ZDHHC16: variants seen among roughly 807,000 people sequenced by gnomAD.
The protein encoded by ZDHHC16 is palmitoyltransferase ZDHHC16.
In ZDHHC16, 33 loss-of-function variants were observed where a neutral mutation model predicts 54.4. That is an observed-to-expected ratio of 0.61 (90% CI 0.46 to 0.81). ZDHHC16 has a LOEUF of 0.81. Ranked by LOEUF, ZDHHC16 falls within the 30% of genes least tolerant of loss-of-function variation. ZDHHC16 has a pLI of 0.00. For missense variants in ZDHHC16, 420 were observed against 485.9 expected (o/e 0.86, Z 1.28); for synonymous variants, 185 against 182.1 (o/e 1.02, Z -0.13).
intron 1 of ZDHHC16, among the ~76,000 whole-genome samples, chr10:97,447,618 A>G (rs1045164462): frequency 2.6e-5 from 4 of 152,148 alleles, no homozygotes; most frequent in Admixed American, 1.3e-4. Context: ...CTTTACTTCT[A>G]TTTCTTGAGA....
intron 9 of ZDHHC16, among the ~76,000 whole-genome samples, chr10:97,455,307 C>T (rs558981379): frequency 6.6e-6 from 1 of 152,320 alleles, no homozygotes; most frequent in African/African-American, 2.4e-5. Flanking sequence ...TCTCTATTCT[C>T]CTTTCCACAT....
chr10:97,452,421 AATG>A lies in ZDHHC16; in HGVS notation c.448_450del (p.Asp150del). 6.2e-7 allele frequency: 1 copy of A among 1,614,114 alleles called. No individual in the cohort carries two copies. The highest frequency in any genetic ancestry group is 8.5e-7 in the Non-Finnish European group (1 of 1,180,000). ...ATGCTCTCCCTTCACACAGGGCAGG[AATG>A]ATATCGCCACCGTCTCCATCTGTAA... is the stretch of plus-strand genomic sequence containing the variant. On this transcript the variant is annotated inframe_deletion, in exon 5 of 12. Transcript: ENST00000393760.
intron 2 of ZDHHC16, 36 bp from the exon 3 acceptor site, chr10:97,451,635 C>A: frequency 1.3e-6 from 2 of 1,579,622 alleles, no homozygotes; most frequent in Non-Finnish European, 1.7e-6. Context: ...GGAGGGAGGG[C>A]TCAGACTAGA....
At chr10:97,447,128 C>T (rs750326885) in intron 1 of ZDHHC16, among the ~76,000 whole-genome samples, 4 of 152,196 alleles carry the variant, frequency 2.6e-5, no homozygotes, top group African/African-American at 4.8e-5. Flanking sequence ...TTGTGTGGGC[C>T]CGTCATCAAA....
chr10:97,451,075 A>C (rs923968198), intron 2 of ZDHHC16: 1 of 152,492 alleles, frequency 6.6e-6, no homozygotes, highest in Non-Finnish European at 1.5e-5. Context: ...AGGGAGTAGG[A>C]AGAAGAGTAT....
Position 97,456,854 on chromosome 10 carries a change from G to C in ZDHHC16, c.1097G>C (p.Trp366Ser). The change falls in exon 12 of 12, where the codon TGG becomes TCG. Residue 366 changes from tryptophan (W) to serine (S), a missense_variant. By Grantham distance (177) the Trp-to-Ser change is radical. Coordinates refer to ENST00000393760, the MANE Select transcript of ZDHHC16 (RefSeq NM_198046.3). ...GGAATGAGCTGGGAGCCCCCTCCCT[G>C]GGTGACTGCTCACTCAGCCTCTGTG... ...GNGMSWEPPPWVTAHSASVMA... is the reference protein window; with the variant it reads ...GNGMSWEPPPSVTAHSASVMA... 2 of 1,613,252 alleles carry C rather than the reference G, an allele frequency of 1.2e-6. No homozygotes were observed. The highest frequency in any genetic ancestry group is 1.7e-6 in the Non-Finnish European group (2 of 1,179,644).
In ZDHHC16 at chr10:97,456,908, C is replaced by A; in HGVS notation, c.*17C>A. On this transcript the variant is annotated 3_prime_UTR_variant, in exon 12 of 12. Coordinates refer to ENST00000393760, the MANE Select transcript of ZDHHC16 (RefSeq NM_198046.3). ...GCAGTGTGAGCTGGACTGTGTCAGC[C>A]ACGACTCGAGCACTCATTCTGCTCC... 6.3e-7 allele frequency: 1 copy of A among 1,580,960 alleles called. No individual in the cohort carries two copies. The highest frequency in any genetic ancestry group is 8.6e-7 in the Non-Finnish European group (1 of 1,158,728).
intron 5 of ZDHHC16, 89 bp downstream of exon 5, chr10:97,452,592 G>T: frequency 7.2e-7 from 1 of 1,390,398 alleles, no homozygotes; most frequent in East Asian, 2.3e-5. Context: ...GCTAAGACAT[G>T]GGTGAATCAC....
chr10:97,456,235 G>C (rs1353304313), intron 11 of ZDHHC16, 191 bp downstream of exon 11: 3 of 580,818 alleles, frequency 5.2e-6, no homozygotes, highest in Non-Finnish European at 8.8e-6. Context: ...TTAAGTAACA[G>C]ATGAGGCTTC....
Position 97,446,186 on chromosome 10 carries a change from T to A in ZDHHC16, c.-353T>A. On this transcript the variant is annotated 5_prime_UTR_variant, in exon 1 of 12. It removes an upstream start codon present in the reference 5' UTR. Coordinates refer to ENST00000393760, the MANE Select transcript of ZDHHC16 (RefSeq NM_198046.3). The stretch of plus-strand genomic sequence containing the variant: ...TGGCGCCTGCGCGTGTGGTTGAGGA[T>A]GGGCTGGCGGCGGGTCCGGGTCCGC... 1.3e-6 allele frequency: 1 copy of A among 756,888 alleles called. No homozygotes were observed. The highest frequency in any genetic ancestry group is 1.7e-5 in the South Asian group (1 of 57,426). The allele number at this position is 756,888 out of a possible 1,614,324, so 46.9% of individuals were successfully genotyped here. A position where few individuals can be genotyped will look rare whatever the true frequency, so the allele number is the denominator to read the frequency against.
At chr10:97,454,829 G>T (rs749397533) in intron 9 of ZDHHC16, 30 bp downstream of exon 9, 1 of 1,607,726 alleles carries the variant, frequency 6.2e-7, no homozygotes, top group Admixed American at 1.7e-5. Flanking sequence ...TTAAGGGAGG[G>T]GAAGCTTCAG....
rs1032476501 is a variant in ZDHHC16 at position 97,457,176 on chromosome 10, G to A, written c.*285G>A. 2.0e-4 allele frequency: 42 copies of A among 207,190 alleles called. No individual in the cohort carries two copies. The highest frequency in any genetic ancestry group is 4.8e-4 in the African/African-American group (21 of 43,384). 12.8% of individuals were successfully genotyped at this position (207,190 alleles called of 1,614,324 possible). A position where few individuals can be genotyped will look rare whatever the true frequency, so the allele number is the denominator to read the frequency against. ...TACCTACCTTGCCCAGTGCTGACCCGGACCTCCTCCAGGATACAGCACTGG... is the reference window on the plus strand; with the variant it reads ...TACCTACCTTGCCCAGTGCTGACCCAGACCTCCTCCAGGATACAGCACTGG... On this transcript the variant is annotated 3_prime_UTR_variant, in exon 12 of 12. Transcript: ENST00000393760.
chr10:97,456,089 G>A, intron 11 of ZDHHC16, 45 bp downstream of exon 11: 1 of 1,587,226 alleles, frequency 6.3e-7, no homozygotes, highest in Non-Finnish European at 8.6e-7. Context: ...AGAACACTGT[G>A]ATGAGAAAGA....
Position 97,452,522 on chromosome 10 carries a change from C to A in ZDHHC16, c.527+19C>A. 6.2e-7 allele frequency: 1 copy of A among 1,610,644 alleles called. No individual in the cohort carries two copies. The highest frequency in any genetic ancestry group is 8.5e-7 in the Non-Finnish European group (1 of 1,178,096). The stretch of plus-strand genomic sequence containing the variant: ...GCAACAGGTGGGTCTTGGCTTTGCT[C>A]TCTGGGAATCCCAGCTGTGGTCCTT... On this transcript the variant is annotated intron_variant, in intron 5 of 11. Coordinates refer to ENST00000393760, the MANE Select transcript of ZDHHC16 (RefSeq NM_198046.3).
rs768495963 is a variant in ZDHHC16 at position 97,454,652 on chromosome 10, T to G, written c.739-62T>G. ...TGGATCATTTCCTGCCTATAGGTGC[T>G]GGGGGCAGTTGCTGGAGACCCACAG... On this transcript the variant is annotated intron_variant, in intron 8 of 11. Transcript: ENST00000393760. 6.3e-6 allele frequency: 9 copies of G among 1,419,750 alleles called. No homozygotes were observed. The Admixed American group carries it at 8.4e-5, about 13-fold the overall frequency. The allele number at this position is 1,419,750 out of a possible 1,614,324, so 87.9% of individuals were successfully genotyped here.
At chr10:97,451,621 G>T in intron 2 of ZDHHC16, 50 bp from the exon 3 acceptor site, 1 of 1,565,780 alleles carries the variant, frequency 6.4e-7, no homozygotes, top group Non-Finnish European at 8.6e-7. Flanking sequence ...CACTAGCGGG[G>T]TAGGGAGGGA....
intron 7 of ZDHHC16, 55 bp from the exon 8 acceptor site, chr10:97,453,744 G>T: frequency 6.2e-7 from 1 of 1,614,108 alleles, no homozygotes; most frequent in African/African-American, 1.3e-5. Context: ...GGGGCTGGTA[G>T]CACCCCATCC....
At chr10:97,446,852 G>A (rs932163299) in intron 1 of ZDHHC16, among the ~76,000 whole-genome samples, 1 of 118,104 alleles carries the variant, frequency 8.5e-6, no homozygotes, top group East Asian at 2.9e-4. Flanking sequence ...CGCGCAGCTG[G>A]GACTTACAGG....
Position 97,455,758 on chromosome 10 carries a change from G to C in ZDHHC16, c.923G>C (p.Arg308Thr), listed in dbSNP as rs991794245. 4.3e-6 allele frequency: 7 copies of C among 1,614,082 alleles called. No individual in the cohort carries two copies. Among genetic ancestry groups the C allele is most frequent in the Non-Finnish European group, 5.9e-6 (7 of 1,180,042 alleles). ...SIERHINKKE[R>T]RRLQAKGRVF... ...GAAAGGCACATCAACAAGAAGGAGA[G>C]ACGTCGGCTACAGGCCAAGGGCAGA... The change falls in exon 10 of 12, where the codon AGA (arginine) becomes ACA (threonine). Residue 308 changes from arginine to threonine, a missense_variant. By Grantham distance (71) the Arg-to-Thr change is moderately conservative. Coordinates refer to ENST00000393760, the MANE Select transcript of ZDHHC16 (RefSeq NM_198046.3).
Sources: gnomAD v4.1 joint callset for allele counts (sites outside exome capture counted in the v4.1 genomes callset) on GRCh38, gnomAD v4.1.1 for gene constraint, MANE v1.5 for transcripts, NCBI Gene and HGNC (gene_info 2026-07-23, HGNC 2026-07-21) for gene names.